DOCK3: variants seen among roughly 807,000 people sequenced by gnomAD.
The protein encoded by DOCK3 is dedicator of cytokinesis protein 3.
A neutral mutation model predicts 265.6 loss-of-function variants in DOCK3; 60 were observed. The ratio of observed to expected loss-of-function variants is 0.23; its 90% CI spans 0.18 to 0.28. The LOEUF is 0.28. Ranked by LOEUF, DOCK3 falls within the 10% of genes least tolerant of loss-of-function variation. The pLI is 1.00. For missense variants in DOCK3, 1,981 were observed against 2,594.3 expected, an observed-to-expected ratio of 0.76 and a Z score of 5.14; for synonymous variants, 881 against 938.0, an observed-to-expected ratio of 0.94 and a Z score of 1.11.
chr3:51,263,280 A>T (rs1409685761), intron 23 of DOCK3, among the ~76,000 whole-genome samples: 1 of 152,108 alleles, frequency 6.6e-6, no homozygotes, highest in African/African-American at 2.4e-5. Flanking sequence ...ATTCTTAAAG[A>T]AAAGAATTTT....
chr3:51,252,077 T>C (rs2079277756), intron 22 of DOCK3, among the ~76,000 whole-genome samples: 1 of 152,240 alleles, frequency 6.6e-6, no homozygotes, highest in Non-Finnish European at 1.5e-5. Flanking sequence ...GCTTTCTACA[T>C]ATGGCTAGCC....
At chr3:51,272,400 C>G (rs940129826) in intron 24 of DOCK3, among the ~76,000 whole-genome samples, 9 of 151,580 alleles carry the variant, frequency 5.9e-5, no homozygotes, top group Admixed American at 2.0e-4. Flanking sequence ...CCTCAGCCTC[C>G]CAAGTAGTTG....
At chr3:51,054,018 C>T (rs2081104042) in intron 5 of DOCK3, among the ~76,000 whole-genome samples, 1 of 145,838 alleles carries the variant, frequency 6.9e-6, no homozygotes, top group South Asian at 2.1e-4. Context: ...TGAGAATTTT[C>T]TTTGCTTCTC....
intron 12 of DOCK3, among the ~76,000 whole-genome samples, chr3:51,179,680 G>C (rs945302610): frequency 6.6e-6 from 1 of 152,120 alleles, no homozygotes; most frequent in Non-Finnish European, 1.5e-5. Flanking sequence ...AGCCAAGGGG[G>C]CAGGAGGATT....
At chr3:51,017,153 A>C (rs1446349668) in intron 5 of DOCK3, among the ~76,000 whole-genome samples, 1 of 148,982 alleles carries the variant, frequency 6.7e-6, no homozygotes, top group Non-Finnish European at 1.5e-5. Context: ...TAGGTTTTTC[A>C]ATTTATTGGT....
intron 5 of DOCK3, among the ~76,000 whole-genome samples, chr3:50,938,917 C>T (rs569903147): frequency 6.7e-6 from 1 of 150,146 alleles, no homozygotes; most frequent in Non-Finnish European, 1.5e-5. Context: ...TAATCCAAAG[C>T]AAGCAGAATG....
rs866247331 is a variant in DOCK3 at position 51,001,938 on chromosome 3, G to A, written c.316-62510G>A. Among the ~76,000 whole-genome samples the A allele has an allele frequency of 2.3e-5, 3 of 132,072 alleles. No individual in the cohort carries two copies. In the South Asian group the frequency reaches 7.6e-4, roughly 34 times the overall value. 86.6% of individuals were successfully genotyped at this position (132,072 alleles called of 152,430 possible). On this transcript the variant is annotated intron_variant, in intron 5 of 52. Transcript: ENST00000266037. The stretch of plus-strand genomic sequence containing the variant: ...TCATTTTTTATTTTTTTAAGAGACA[G>A]GGTCTCACTCTGTCACCCAGGCCGG...
intron 9 of DOCK3, among the ~76,000 whole-genome samples, chr3:51,100,421 T>C (rs1262855494): frequency 6.6e-6 from 1 of 152,180 alleles, no homozygotes; most frequent in East Asian, 1.9e-4. Flanking sequence ...AGATGGAACC[T>C]GGGGCAAGTA....
intron 3 of DOCK3, among the ~76,000 whole-genome samples, chr3:50,871,196 G>A (rs2107583581): frequency 6.6e-6 from 1 of 151,878 alleles, no homozygotes; most frequent in Non-Finnish European, 1.5e-5. Flanking sequence ...GGACAGGTCT[G>A]GTGTTAATGA....
At chr3:50,848,747 A>G (rs1286099533) in intron 3 of DOCK3, among the ~76,000 whole-genome samples, 1 of 152,192 alleles carries the variant, frequency 6.6e-6, no homozygotes, top group Non-Finnish European at 1.5e-5. Context: ...GACCTTGTTC[A>G]GTCTTATGGA....
chr3:50,961,565 A>G (rs1009927579), intron 5 of DOCK3, among the ~76,000 whole-genome samples: 1 of 152,200 alleles, frequency 6.6e-6, no homozygotes, highest in African/African-American at 2.4e-5. Context: ...TGAGTGAGGA[A>G]CATATTGGAC....
intron 3 of DOCK3, among the ~76,000 whole-genome samples, chr3:50,888,053 A>T (rs899203877): frequency 6.6e-6 from 1 of 152,168 alleles, no homozygotes; most frequent in East Asian, 1.9e-4. Context: ...TCAATTAGGA[A>T]AAGAGGAAGT....
chr3:51,280,721 A>G (rs917275800), intron 27 of DOCK3, among the ~76,000 whole-genome samples: 1 of 152,174 alleles, frequency 6.6e-6, no homozygotes, highest in Non-Finnish European at 1.5e-5. Flanking sequence ...ATTGCTATAC[A>G]TAATTTAAAA....
intron 1 of DOCK3, among the ~76,000 whole-genome samples, chr3:50,761,176 AT>A (rs1559604816): frequency 6.6e-6 from 1 of 151,658 alleles, no homozygotes. Context: ...TACTTTTATT[AT>A]TTTTTAAAAT....
At chr3:51,260,442 A>G (rs1392373682) in intron 23 of DOCK3, 116 bp downstream of exon 23, 61 of 1,242,420 alleles carry the variant, frequency 4.9e-5, no homozygotes, top group Non-Finnish European at 6.3e-5. Flanking sequence ...GTGTTGGGTA[A>G]GGGATTATTT....
chr3:50,878,530 G>C (rs2047840277), intron 3 of DOCK3, among the ~76,000 whole-genome samples: 1 of 152,172 alleles, frequency 6.6e-6, no homozygotes, highest in South Asian at 2.1e-4. Context: ...AAGGGTATCA[G>C]TGATTGAAGA....
intron 5 of DOCK3, among the ~76,000 whole-genome samples, chr3:50,972,289 C>A (rs565758739): frequency 6.6e-6 from 1 of 152,236 alleles, no homozygotes; most frequent in African/African-American, 2.4e-5. Context: ...TCCAGTGTGC[C>A]TTTGCCAGCC....
At chr3:51,176,612 C>T (rs767633305) in intron 12 of DOCK3, among the ~76,000 whole-genome samples, 12 of 151,738 alleles carry the variant, frequency 7.9e-5, no homozygotes, top group Non-Finnish European at 1.5e-4. Context: ...GGCAACAGAG[C>T]GAGACTCCGT....
At chr3:50,776,397 G>T (rs2041602830) in intron 1 of DOCK3, among the ~76,000 whole-genome samples, 1 of 151,352 alleles carries the variant, frequency 6.6e-6, no homozygotes. Flanking sequence ...TTTGAGAATT[G>T]CCTATTCATG....
Sources: gnomAD v4.1 joint callset for allele counts (sites outside exome capture counted in the v4.1 genomes callset) on GRCh38, gnomAD v4.1.1 for gene constraint, MANE v1.5 for transcripts, NCBI Gene and HGNC (gene_info 2026-07-23, HGNC 2026-07-21) for gene names.